Variants in PHLDB1 observed in about 807,000 individuals in gnomAD.
The protein encoded by PHLDB1 is pleckstrin homology like domain family B member 1.
Under a neutral mutation model 139.3 loss-of-function variants are expected in PHLDB1, and 65 were observed. The ratio of observed to expected loss-of-function variants is 0.47; its 90% CI spans 0.38 to 0.57. The LOEUF (loss-of-function observed/expected upper bound fraction) is 0.57. Among genes scored for constraint, PHLDB1 ranks in the 20% least tolerant of loss-of-function variants. The pLI is 0.00. For missense variants in PHLDB1, 1,624 were observed against 1,839.7 expected (o/e 0.88, Z 2.14); for synonymous variants, 679 against 734.5 (o/e 0.92, Z 1.22).
chr11:118,608,583 C>A lies in PHLDB1; in HGVS notation c.-22+884C>A, dbSNP rs1458135652. Among the ~76,000 whole-genome samples the A allele has an allele frequency of 6.6e-6, 1 of 152,138 alleles. No individual in the cohort carries two copies. Among genetic ancestry groups the A allele is most frequent in the African/African-American group, 2.4e-5 (1 of 41,430 alleles). ...TCTGGGGCGGGGCTGCATTCTGGGC[C>A]GTTAGCTCAGCGGTCCTGGAGCCTC... is the stretch of plus-strand genomic sequence containing the variant. On this transcript the variant is annotated intron_variant, in intron 1 of 22. Coordinates refer to ENST00000600882, the MANE Select transcript of PHLDB1 (RefSeq NM_001144758.3). The surrounding 1 kb of genome is among the most constrained non-coding windows in gnomAD (Gnocchi z 6.7).
In PHLDB1 at chr11:118,641,833, C is replaced by G. The variant is rs1329444770; in HGVS notation, c.2737-421C>G. 18 of 1,250,192 alleles carry G rather than the reference C, an allele frequency of 1.4e-5. No individual in the cohort carries two copies. In the Admixed American group the frequency reaches 4.3e-4, roughly 30 times the overall value. 77.4% of individuals were successfully genotyped at this position (1,250,192 alleles called of 1,614,324 possible). Reference sequence around the variant, plus strand: ...TACCCCCACCCATGACTGGTGTGCTCTGTGTGTGTTTTGCTCCTGCTCACC... The same window carrying G: ...TACCCCCACCCATGACTGGTGTGCTGTGTGTGTGTTTTGCTCCTGCTCACC... On this transcript the variant is annotated intron_variant, in intron 12 of 22. Transcript: ENST00000600882.
chr11:118,611,332 T>G lies in PHLDB1; in HGVS notation c.-21-2484T>G, dbSNP rs1940251945. Among the ~76,000 whole-genome samples, 1 of 152,164 alleles carries G rather than the reference T, an allele frequency of 6.6e-6. No individual in the cohort carries two copies. The highest frequency in any genetic ancestry group is 1.5e-5 in the Non-Finnish European group (1 of 68,014). On this transcript the variant is annotated intron_variant, in intron 1 of 22. Transcript: ENST00000600882. The surrounding 1 kb of genome is among the most constrained non-coding windows in gnomAD (Gnocchi z 4.7). ...TCTTCTCCCCACACCTCTCTCCTTA[T>G]CTCTCCCTTTACTTTCGCCTCCTTA...
chr11:118,642,770 T>G (rs1946792746), intron 13 of PHLDB1, among the ~76,000 whole-genome samples: 1 of 152,248 alleles, frequency 6.6e-6, no homozygotes, highest in Admixed American at 6.5e-5. Context: ...CTCTTGGGCC[T>G]GTGGCAACTG....
At chr11:118,635,194 A>G in intron 9 of PHLDB1, 199 bp from the exon 10 acceptor site, 1 of 640,322 alleles carries the variant, frequency 1.6e-6, no homozygotes, top group Admixed American at 3.0e-5. Context: ...GGAACCGGGA[A>G]GGTTGGGGAA....
At position 118,620,154 on chromosome 11, in the gene PHLDB1, G is replaced by A. The variant is rs1255431668; in HGVS notation, c.355+3943G>A. On this transcript the variant is annotated intron_variant, in intron 4 of 22. Transcript: ENST00000600882. This position sits in a 1 kb window ranked among gnomAD's most constrained non-coding sequence, Gnocchi z 4.1. ...CTGGTGTGCAGGGGCCAGGTCCCTG[G>A]AACAAGAGGAACTCTCTGGGGGACC... 6.6e-6 allele frequency among the ~76,000 whole-genome samples: 1 copy of A among 152,234 alleles called. No individual in the cohort carries two copies. Among genetic ancestry groups the A allele is most frequent in the Non-Finnish European group, 1.5e-5 (1 of 68,040 alleles).
rs535173982 is a variant in PHLDB1 at position 118,644,601 on chromosome 11, C to A, written c.3121+427C>A. On this transcript the variant is annotated intron_variant, in intron 15 of 22. Coordinates refer to ENST00000600882, the MANE Select transcript of PHLDB1 (RefSeq NM_001144758.3). Reference sequence around the variant, plus strand: ...TCTGTGCCTCTCTCTCCTCTTACCCCCTCTGTGTCTCTACCGTACCCTCTG... The same window carrying A: ...TCTGTGCCTCTCTCTCCTCTTACCCACTCTGTGTCTCTACCGTACCCTCTG... 1.9e-4 allele frequency: 232 copies of A among 1,223,692 alleles called. 3 individuals carry two copies. In the South Asian group the frequency reaches 2.7e-3, roughly 14 times the overall value. 75.8% of individuals were successfully genotyped at this position (1,223,692 alleles called of 1,614,324 possible). A position where few individuals can be genotyped will look rare whatever the true frequency, so the allele number is the denominator to read the frequency against.
At chr11:118,622,122 G>A (rs1438071419) in intron 4 of PHLDB1, among the ~76,000 whole-genome samples, 1 of 152,144 alleles carries the variant, frequency 6.6e-6, no homozygotes, top group Non-Finnish European at 1.5e-5. Context: ...CTCCAGATGT[G>A]CAGCTCCTCC....
intron 10 of PHLDB1, among the ~76,000 whole-genome samples, chr11:118,636,254 C>T (rs1363522664): frequency 6.6e-6 from 1 of 152,070 alleles, no homozygotes; most frequent in Non-Finnish European, 1.5e-5. Flanking sequence ...TGTGGCCATG[C>T]ACATGCACAC....
At chr11:118,621,429 G>C (rs1247664948) in intron 4 of PHLDB1, 1 of 152,208 alleles carries the variant, frequency 6.6e-6, no homozygotes. Flanking sequence ...TCCGAGCCTA[G>C]AGCCGGCAGC....
chr11:118,641,470 G>A (rs894936314), intron 12 of PHLDB1: 3 of 329,652 alleles, frequency 9.1e-6, no homozygotes, highest in Admixed American at 4.9e-5. Flanking sequence ...TGAGGGTGTC[G>A]AGTTGAGAGG....
chr11:118,644,912 G>T, intron 15 of PHLDB1: 1 of 269,820 alleles, frequency 3.7e-6, no homozygotes, highest in South Asian at 3.3e-5. Context: ...TGTTGCTTTT[G>T]CTTCTGCATT....
At chr11:118,625,429 G>A (rs1219340615) in intron 5 of PHLDB1, among the ~76,000 whole-genome samples, 2 of 152,242 alleles carry the variant, frequency 1.3e-5, no homozygotes, top group African/African-American at 4.8e-5. Context: ...TGAACTCCCT[G>A]TAAGCTGTGG....
chr11:118,639,083 C>G (rs1946105118), intron 11 of PHLDB1, 79 bp from the exon 12 acceptor site: 2 of 1,551,720 alleles, frequency 1.3e-6, no homozygotes, highest in African/African-American at 2.7e-5. Flanking sequence ...TGTAAATGTG[C>G]TGGGGTGGAG....
chr11:118,613,266 T>C, intron 1 of PHLDB1: 7 of 984,006 alleles, frequency 7.1e-6, no homozygotes, highest in Non-Finnish European at 8.4e-6. Context: ...CAGGAATGGC[T>C]GAGTTTTTCT....
intron 4 of PHLDB1, among the ~76,000 whole-genome samples, chr11:118,623,686 G>A (rs1416658950): frequency 7.0e-6 from 1 of 143,476 alleles, no homozygotes; most frequent in Non-Finnish European, 1.6e-5. Context: ...AGCAAATTCA[G>A]GACCCCCCCG....
At chr11:118,638,199 G>A (rs1945961745) in intron 10 of PHLDB1, 1 of 152,420 alleles carries the variant, frequency 6.6e-6, no homozygotes, top group Non-Finnish European at 1.5e-5. Flanking sequence ...GTGTGGCTGA[G>A]CTGAAAGGAC....
At chr11:118,655,783 G>A (rs1393040962) in intron 21 of PHLDB1, 77 bp from the exon 22 acceptor site, 1 of 1,485,310 alleles carries the variant, frequency 6.7e-7, no homozygotes, top group East Asian at 2.3e-5. Context: ...CCTCCAGCCT[G>A]CCCTCTACAG....
intron 6 of PHLDB1, among the ~76,000 whole-genome samples, chr11:118,629,201 C>A (rs1555107571): frequency 1.3e-5 from 2 of 152,236 alleles, no homozygotes; most frequent in Admixed American, 6.5e-5. Context: ...AGCTGCTCAT[C>A]CTGGCCCAGG....
chr11:118,654,117 G>C (rs1591796917), intron 20 of PHLDB1: 1 of 152,258 alleles, frequency 6.6e-6, no homozygotes, highest in African/African-American at 2.4e-5. Context: ...CTTACTTCCA[G>C]CCGGCACCAT....
Sources: allele counts gnomAD v4.1 joint callset (sites outside exome capture counted in the v4.1 genomes callset), GRCh38; gene constraint gnomAD v4.1.1; non-coding constraint Gnocchi (gnomAD v3.1); transcripts MANE v1.5; gene names NCBI Gene and HGNC (gene_info 2026-07-23, HGNC 2026-07-21).